TCTN1: variants seen among roughly 807,000 people sequenced by gnomAD.
The protein encoded by TCTN1 is tectonic family member 1.
TCTN1 carries 58 observed loss-of-function variants against 65.8 expected under a neutral mutation model. The ratio of observed to expected loss-of-function variants is 0.88; its 90% CI spans 0.71 to 1.10. The LOEUF (loss-of-function observed/expected upper bound fraction) is 1.10, where lower values mean the gene tolerates loss of function less well. TCTN1 is among the 50% of genes least tolerant of loss of function. The probability of loss-of-function intolerance (pLI) is 0.00; values close to 1 mark genes in which losing one functional copy is unlikely to be tolerated. For synonymous variants in TCTN1, 273 were observed against 289.1 expected, an observed-to-expected ratio of 0.94 and a Z score of 0.57; for missense variants, 645 against 719.4, an observed-to-expected ratio of 0.90 and a Z score of 1.18.
chr12:110,632,469 C>G lies in TCTN1; in HGVS notation c.625-3C>G. ...TAACGACTGTTGGTTGTTGTGTTTG[C>G]AGTATGGGGTTCCTCTGCAGACTTC... On this transcript the variant is annotated splice_polypyrimidine_tract_variant and splice_region_variant and intron_variant, in intron 4 of 14. Transcript: ENST00000397659. 1 of 1,613,684 alleles carries G rather than the reference C, an allele frequency of 6.2e-7. No homozygotes were observed. The highest frequency in any genetic ancestry group is 8.5e-7 in the Non-Finnish European group (1 of 1,179,696).
At chr12:110,630,657 G>A (rs923554420) in intron 4 of TCTN1, among the ~76,000 whole-genome samples, 4 of 152,198 alleles carry the variant, frequency 2.6e-5, no homozygotes, top group African/African-American at 9.6e-5. Context: ...AGATTGGTGT[G>A]TATTCTTCCT....
intron 2 of TCTN1, among the ~76,000 whole-genome samples, chr12:110,620,438 G>A (rs1180893065): frequency 6.6e-6 from 1 of 151,798 alleles, no homozygotes; most frequent in South Asian, 2.1e-4. Context: ...TCCCTTATTT[G>A]CATTCAGCCA....
In TCTN1 at chr12:110,636,473, T is replaced by C; in HGVS notation, c.823-8T>C. 1 of 1,372,008 alleles carries C rather than the reference T, an allele frequency of 7.3e-7. No individual in the cohort carries two copies. Among genetic ancestry groups the C allele is most frequent in the Non-Finnish European group, 1.0e-6 (1 of 971,494 alleles). The allele number at this position is 1,372,008 out of a possible 1,614,324, so 85.0% of individuals were successfully genotyped here. Reference sequence around the variant, plus strand: ...TAACACAATTTTTTGTGGTTTCTTTTTATCTAGGTACCTGATTCAAGAAAA... The same window carrying C: ...TAACACAATTTTTTGTGGTTTCTTTCTATCTAGGTACCTGATTCAAGAAAA... On this transcript the variant is annotated splice_region_variant and splice_polypyrimidine_tract_variant and intron_variant, in intron 6 of 14. Coordinates refer to ENST00000397659, the MANE Select transcript of TCTN1 (RefSeq NM_001082538.3).
chr12:110,643,306 C>G (rs182568971), intron 11 of TCTN1: 1 of 152,300 alleles, frequency 6.6e-6, no homozygotes, highest in African/African-American at 2.4e-5. Context: ...CACAGCACAT[C>G]AAAACCAGTG....
intron 1 of TCTN1, among the ~76,000 whole-genome samples, chr12:110,619,167 G>A (rs889042726): frequency 4.0e-5 from 6 of 151,538 alleles, no homozygotes; most frequent in South Asian, 2.1e-4. Context: ...AACAAGAGCC[G>A]AAACTCCTTT....
intron 6 of TCTN1, chr12:110,635,697 G>C (rs1248175155): frequency 2.6e-5 from 4 of 152,192 alleles, no homozygotes; most frequent in Non-Finnish European, 5.9e-5. Flanking sequence ...TGTCAAAGGG[G>C]TCCCCTTCCC....
At chr12:110,616,521 C>T (rs1474115543) in intron 1 of TCTN1, among the ~76,000 whole-genome samples, 2 of 152,166 alleles carry the variant, frequency 1.3e-5, no homozygotes, top group Non-Finnish European at 2.9e-5. Flanking sequence ...GTTAGGATTA[C>T]AGGCTTGAGC....
At chr12:110,618,132 G>A (rs1420830018) in intron 1 of TCTN1, among the ~76,000 whole-genome samples, 1 of 149,762 alleles carries the variant, frequency 6.7e-6, no homozygotes, top group Non-Finnish European at 1.5e-5. Flanking sequence ...GAGTGCAGTG[G>A]TGTGATCTCA....
chr12:110,614,244 G>A lies in TCTN1; in HGVS notation c.62G>A (p.Ser21Asn), dbSNP rs751250484. 6.3e-7 allele frequency: 1 copy of A among 1,593,128 alleles called. No individual in the cohort carries two copies. Among genetic ancestry groups the A allele is most frequent in the Non-Finnish European group, 8.5e-7 (1 of 1,170,684 alleles). The stretch of plus-strand genomic sequence containing the variant: ...CTCCTGGGCTGCTGGGCCTCCGTGA[G>A]CGCCCAGACCGATGCCACCCCGGCG... ...VVLLGCWASV[S>N]AQTDATPAVT... The change falls in exon 1 of 15, where the codon AGC (serine) becomes AAC (asparagine). Residue 21 changes from serine (S) to asparagine (N), a missense_variant. Physicochemically the swap from Ser to Asn is conservative, Grantham distance 46. Transcript: ENST00000397659.
intron 5 of TCTN1, 41 bp from the exon 6 acceptor site, chr12:110,634,629 T>G (rs1266928814): frequency 6.6e-6 from 10 of 1,523,260 alleles, no homozygotes; most frequent in Non-Finnish European, 8.9e-6. Context: ...ATTTCTTCTC[T>G]TTTGTATTTT....
chr12:110,620,301 G>T (rs891930605), intron 2 of TCTN1, among the ~76,000 whole-genome samples: 2 of 151,930 alleles, frequency 1.3e-5, no homozygotes, highest in East Asian at 3.8e-4. Flanking sequence ...CCAGCTACTC[G>T]GGAGGCTGAG....
At chr12:110,622,396 C>T (rs891094216) in intron 2 of TCTN1, among the ~76,000 whole-genome samples, 2 of 152,146 alleles carry the variant, frequency 1.3e-5, no homozygotes, top group African/African-American at 4.8e-5. Flanking sequence ...GTTAGGCACT[C>T]TCCTGCCTTC....
rs1026191057 is a variant in TCTN1 at position 110,641,447 on chromosome 12, A to G, written c.1105-95A>G. ...GGGAGAAATTCTTTTATTGGTTGGT[A>G]ATTCCATATTTTATTATGAAAGAAG... On this transcript the variant is annotated intron_variant, in intron 9 of 14. Coordinates refer to ENST00000397659, the MANE Select transcript of TCTN1 (RefSeq NM_001082538.3). The G allele has an allele frequency of 8.1e-6, 10 of 1,229,296 alleles. No homozygotes were observed. The African/African-American group carries it at 1.5e-4, about 18-fold the overall frequency. The allele number at this position is 1,229,296 out of a possible 1,614,324, so 76.1% of individuals were successfully genotyped here.
At chr12:110,616,415 C>T (rs556521778) in intron 1 of TCTN1, 6 of 282,738 alleles carry the variant, frequency 2.1e-5, no homozygotes, top group East Asian at 9.2e-5. Flanking sequence ...CCACCACGCC[C>T]GGCTAATTTT....
At position 110,640,059 on chromosome 12, in the gene TCTN1, T is replaced by C. The variant is rs1187875924; in HGVS notation, c.844-324T>C. Among the ~76,000 whole-genome samples the C allele has an allele frequency of 1.3e-5, 2 of 152,238 alleles. No homozygotes were observed. The highest frequency in any genetic ancestry group is 2.9e-5 in the Non-Finnish European group (2 of 68,050). On this transcript the variant is annotated intron_variant, in intron 7 of 14. Coordinates refer to ENST00000397659, the MANE Select transcript of TCTN1 (RefSeq NM_001082538.3). The surrounding 1 kb of genome is among the most constrained non-coding windows in gnomAD (Gnocchi z 4.9). ...GACTTTGTATTTATCCATTCATCAG[T>C]TGATGGACATTTAGGTGGTTTTTGG...
chr12:110,627,883 G>A (rs1187692321), intron 3 of TCTN1: 6 of 637,340 alleles, frequency 9.4e-6, no homozygotes, highest in Non-Finnish European at 1.6e-5. Context: ...CATATTTTCA[G>A]AATATCTTTA....
In TCTN1 at chr12:110,619,920, T is replaced by G. The variant is rs1593225303; in HGVS notation, c.305T>G (p.Phe102Cys). 1.2e-6 allele frequency: 2 copies of G among 1,614,178 alleles called. No individual in the cohort carries two copies. The highest frequency in any genetic ancestry group is 1.7e-6 in the Non-Finnish European group (2 of 1,180,042). ...CCDPDCSSVDFSVFSACSVPV... is the reference protein window; with the variant it reads ...CCDPDCSSVDCSVFSACSVPV... ...GATCCCGACTGCAGCTCCGTGGATTTCAGTGTCTTTTCTGCCTGCTCAGTT... is the reference window on the plus strand; with the variant it reads ...GATCCCGACTGCAGCTCCGTGGATTGCAGTGTCTTTTCTGCCTGCTCAGTT... The change falls in exon 2 of 15, where the codon TTC (phenylalanine) becomes TGC (cysteine). Residue 102 changes from phenylalanine to cysteine, a missense_variant. Transcript: ENST00000397659.
At chr12:110,632,688 CT>C in intron 5 of TCTN1, 129 bp downstream of exon 5, 1 of 909,774 alleles carries the variant, frequency 1.1e-6, no homozygotes, top group Non-Finnish European at 1.8e-6. Context: ...CAACTTAATA[CT>C]TTACATTTGT....
chr12:110,640,447 A>T lies in TCTN1; in HGVS notation c.908A>T (p.Asp303Val). 6.2e-7 allele frequency: 1 copy of T among 1,614,166 alleles called. No individual in the cohort carries two copies. The highest frequency in any genetic ancestry group is 2.2e-5 in the East Asian group (1 of 44,886). Reference sequence around the variant, plus strand: ...AATAAAACGCTCACCCGACGGGAGGACACTGATGTGCTGCAGCCGACTCTC... The same window carrying T: ...AATAAAACGCTCACCCGACGGGAGGTCACTGATGTGCTGCAGCCGACTCTC... ...SLNKTLTRRE[D>V]TDVLQPTLVN... is the part of the protein sequence containing the mutation. The change falls in exon 8 of 15, where the codon GAC becomes GTC. Residue 303 changes from aspartate to valine, a missense_variant. By Grantham distance (152) the Asp-to-Val change is radical. Transcript: ENST00000397659. This position sits in a 1 kb window ranked among gnomAD's most constrained non-coding sequence, Gnocchi z 4.9.
Sources: gnomAD v4.1 joint callset for allele counts (sites outside exome capture counted in the v4.1 genomes callset) on GRCh38, gnomAD v4.1.1 for gene constraint, Gnocchi (gnomAD v3.1) non-coding constraint, MANE v1.5 for transcripts, NCBI Gene and HGNC (gene_info 2026-07-23, HGNC 2026-07-21) for gene names.